Variants in IL1R1 observed in about 807,000 individuals in gnomAD.
IL1R1 encodes interleukin 1 receptor type 1.
A neutral mutation model predicts 50.2 loss-of-function variants in IL1R1; 22 were observed. That is an observed-to-expected ratio of 0.44 (90% confidence interval 0.31 to 0.63). The LOEUF is 0.63. Among genes scored for constraint, IL1R1 ranks in the 20% least tolerant of loss-of-function variants. IL1R1 has a pLI of 0.07. For synonymous variants in IL1R1, 251 were observed against 236.7 expected (o/e 1.06, Z -0.55); for missense variants, 509 against 676.2 (o/e 0.75, Z 2.74).
chr2:102,167,744 G>A (rs1278699518), intron 6 of IL1R1, among the ~76,000 whole-genome samples: 2 of 152,078 alleles, frequency 1.3e-5, no homozygotes, highest in Non-Finnish European at 2.9e-5. Context: ...CACCGCGCCC[G>A]GCCAGGTTAA....
chr2:102,165,801 T>C (rs1685132938), intron 5 of IL1R1, among the ~76,000 whole-genome samples: 1 of 152,210 alleles, frequency 6.6e-6, no homozygotes, highest in African/African-American at 2.4e-5. Context: ...AAATACGTAA[T>C]ATCAATGAAG....
intron 2 of IL1R1, 111 bp from the exon 3 acceptor site, chr2:102,157,608 C>T (rs1319165404): frequency 4.3e-6 from 3 of 705,518 alleles, no homozygotes; most frequent in Non-Finnish European, 2.5e-6. Context: ...ATCAGTGTGA[C>T]TTGTGGGTGA....
At chr2:102,073,535 G>C (rs911265091) in intron 1 of IL1R1, among the ~76,000 whole-genome samples, 1 of 152,112 alleles carries the variant, frequency 6.6e-6, no homozygotes, top group African/African-American at 2.4e-5. Flanking sequence ...ATGATTGACA[G>C]GGAAGCACTG....
At chr2:102,173,443 A>G (rs1559508845) in intron 9 of IL1R1, among the ~76,000 whole-genome samples, 1 of 152,228 alleles carries the variant, frequency 6.6e-6, no homozygotes, top group Non-Finnish European at 1.5e-5. Flanking sequence ...ACTTCTATGT[A>G]TGTTTAAATA....
intron 1 of IL1R1, among the ~76,000 whole-genome samples, chr2:102,094,404 T>G (rs1679811176): frequency 6.6e-6 from 1 of 152,206 alleles, no homozygotes; most frequent in Non-Finnish European, 1.5e-5. Flanking sequence ...TAAAGAAACT[T>G]TATTCAAAAT....
intron 7 of IL1R1, among the ~76,000 whole-genome samples, chr2:102,169,828 C>T (rs905890249): frequency 2.0e-5 from 3 of 152,148 alleles, no homozygotes; most frequent in Non-Finnish European, 2.9e-5. Context: ...TAAATTGTTC[C>T]CCTTTAGAGT....
intron 1 of IL1R1, among the ~76,000 whole-genome samples, chr2:102,132,752 G>A (rs1682107492): frequency 6.6e-6 from 1 of 152,114 alleles, no homozygotes; most frequent in Non-Finnish European, 1.5e-5. Context: ...TCAATGGTAG[G>A]AACTAGGTAA....
intron 1 of IL1R1, among the ~76,000 whole-genome samples, chr2:102,119,597 G>A (rs765003992): frequency 1.3e-5 from 2 of 152,146 alleles, no homozygotes; most frequent in African/African-American, 2.4e-5. Flanking sequence ...CATAAGAACC[G>A]CAGATGACTA....
chr2:102,105,429 A>G (rs1484714171), intron 1 of IL1R1, among the ~76,000 whole-genome samples: 1 of 152,110 alleles, frequency 6.6e-6, no homozygotes, highest in African/African-American at 2.4e-5. Context: ...CAATGGCATG[A>G]TCTTGGCTCA....
chr2:102,136,374 ATT>A (rs10664336), intron 1 of IL1R1, among the ~76,000 whole-genome samples: 5 of 118,398 alleles, frequency 4.2e-5, no homozygotes, highest in Non-Finnish European at 6.6e-5. Flanking sequence ...GGATAACAGT[ATT>A]TTTTTTTTTT....
chr2:102,082,532 A>G (rs1341048395), intron 1 of IL1R1, among the ~76,000 whole-genome samples: 1 of 152,208 alleles, frequency 6.6e-6, no homozygotes, highest in African/African-American at 2.4e-5. Context: ...GTTTCTTAGG[A>G]ATAGTGTCAT....
chr2:102,136,374 AT>A (rs10664336), intron 1 of IL1R1, among the ~76,000 whole-genome samples: 236 of 118,390 alleles, frequency 2.0e-3, no homozygotes, highest in African/African-American at 5.4e-3. Flanking sequence ...GGATAACAGT[AT>A]TTTTTTTTTT....
chr2:102,118,748 T>G (rs1201718380), intron 1 of IL1R1, among the ~76,000 whole-genome samples: 1 of 152,138 alleles, frequency 6.6e-6, no homozygotes, highest in African/African-American at 2.4e-5. Flanking sequence ...CCGGGTGTGG[T>G]GGCTCACGCC....
At chr2:102,104,656 G>A (rs75664449) in exon 1 of IL1R1, 20,600 of 152,232 alleles carry the variant, frequency 0.14, 1,626 homozygotes, top group East Asian at 0.37. Flanking sequence ...CAGCTGGGGC[G>A]TCCGGCAAGA....
intron 3 of IL1R1, among the ~76,000 whole-genome samples, chr2:102,160,871 C>T (rs957837365): frequency 3.9e-5 from 6 of 152,194 alleles, no homozygotes; most frequent in African/African-American, 1.4e-4. Context: ...GTATGGCACA[C>T]CCCTTCTGTC....
intron 2 of IL1R1, among the ~76,000 whole-genome samples, chr2:102,154,493 C>G (rs1683985402): frequency 6.6e-6 from 1 of 152,190 alleles, no homozygotes; most frequent in Admixed American, 6.5e-5. Context: ...GAACCTGCCC[C>G]CCAACCTGGC....
chr2:102,097,696 A>T (rs529841757), intron 1 of IL1R1, among the ~76,000 whole-genome samples: 2 of 152,190 alleles, frequency 1.3e-5, no homozygotes, highest in African/African-American at 4.8e-5. Flanking sequence ...AAGAAAAAAT[A>T]AAAAAATCTG....
intron 1 of IL1R1, among the ~76,000 whole-genome samples, chr2:102,153,677 C>T (rs1683903572): frequency 6.6e-6 from 1 of 152,162 alleles, no homozygotes; most frequent in Non-Finnish European, 1.5e-5. Flanking sequence ...GTGTTTGGCA[C>T]TTCCCCCCTT....
intron 1 of IL1R1, among the ~76,000 whole-genome samples, chr2:102,153,589 A>G (rs765300450): frequency 7.2e-5 from 11 of 152,064 alleles, no homozygotes; most frequent in Non-Finnish European, 1.5e-4. Context: ...GTGGGAGGTG[A>G]TTAGATCATG....
Sources: allele counts gnomAD v4.1 joint callset (sites outside exome capture counted in the v4.1 genomes callset), GRCh38; gene constraint gnomAD v4.1.1; transcripts MANE v1.5; gene names NCBI Gene and HGNC (gene_info 2026-07-23, HGNC 2026-07-21).